MRPS9: variants seen among roughly 807,000 people sequenced by gnomAD.
MRPS9 encodes the protein mitochondrial ribosomal protein S9.
A neutral mutation model predicts 59.9 loss-of-function variants in MRPS9; 45 were observed. The ratio of observed to expected loss-of-function variants is 0.75; its 90% confidence interval spans 0.59 to 0.96. The LOEUF (loss-of-function observed/expected upper bound fraction) is 0.96, where lower values mean the gene tolerates loss of function less well. Ranked by LOEUF, MRPS9 falls within the 40% of genes least tolerant of loss-of-function variation. The pLI, the probability that MRPS9 is intolerant of heterozygous loss-of-function variation, is 0.00. For missense variants in MRPS9, 473 were observed against 481.1 expected (o/e 0.98, Z 0.16); for synonymous variants, 171 against 166.8 (o/e 1.03, Z -0.19).
intron 9 of MRPS9, among the ~76,000 whole-genome samples, chr2:105,096,335 A>G (rs1381769270): frequency 6.6e-6 from 1 of 152,234 alleles, no homozygotes; most frequent in Admixed American, 6.5e-5. Context: ...GCTTTTCTGC[A>G]TAAAAGTGTA....
At chr2:105,080,133 C>A in intron 5 of MRPS9, 71 bp downstream of exon 5, 1 of 1,066,860 alleles carries the variant, frequency 9.4e-7, no homozygotes, top group Non-Finnish European at 1.3e-6. Context: ...GGATACTGTT[C>A]GCAGCTTCAG....
chr2:105,085,127 A>AT (rs1680422749), intron 5 of MRPS9, among the ~76,000 whole-genome samples: 1 of 152,148 alleles, frequency 6.6e-6, no homozygotes, highest in Non-Finnish European at 1.5e-5. Flanking sequence ...TGGCATTTAC[A>AT]TGATGTACAA....
chr2:105,041,005 A>C (rs908151836), intron 1 of MRPS9, among the ~76,000 whole-genome samples: 1 of 152,204 alleles, frequency 6.6e-6, no homozygotes, highest in Admixed American at 6.5e-5. Flanking sequence ...CTTTGTCAGC[A>C]ACAATTGGTT....
intron 5 of MRPS9, among the ~76,000 whole-genome samples, chr2:105,082,492 G>A (rs954353790): frequency 2.6e-5 from 4 of 152,122 alleles, no homozygotes; most frequent in Non-Finnish European, 4.4e-5. Flanking sequence ...TATATATTAC[G>A]TTATAGCAAT....
intron 2 of MRPS9, among the ~76,000 whole-genome samples, chr2:105,053,059 C>G (rs1328128090): frequency 6.6e-6 from 1 of 152,200 alleles, no homozygotes; most frequent in African/African-American, 2.4e-5. Context: ...CCACCACGCC[C>G]AGCCCCACTT....
intron 1 of MRPS9, among the ~76,000 whole-genome samples, chr2:105,040,316 C>G (rs1416767523): frequency 1.3e-5 from 2 of 152,024 alleles, no homozygotes; most frequent in East Asian, 3.9e-4. Context: ...AACACTATAC[C>G]TGGTCTTTTG....
intron 5 of MRPS9, among the ~76,000 whole-genome samples, chr2:105,085,274 T>A (rs1680425052): frequency 6.6e-6 from 1 of 152,182 alleles, no homozygotes; most frequent in South Asian, 2.1e-4. Context: ...TTGTTTGATT[T>A]GATTTTGTAT....
intron 3 of MRPS9, 23 bp downstream of exon 3, chr2:105,071,398 T>C: frequency 6.3e-7 from 1 of 1,598,554 alleles, no homozygotes; most frequent in South Asian, 1.1e-5. Context: ...ATTACTATTT[T>C]AAAAATTTCA....
chr2:105,080,637 G>T (rs1466619026), intron 5 of MRPS9, among the ~76,000 whole-genome samples: 1 of 152,132 alleles, frequency 6.6e-6, no homozygotes, highest in Non-Finnish European at 1.5e-5. Flanking sequence ...TGCAAATTTG[G>T]AAGAGTTCCC....
intron 2 of MRPS9, among the ~76,000 whole-genome samples, chr2:105,050,493 T>C (rs1034502531): frequency 6.6e-6 from 1 of 152,198 alleles, no homozygotes; most frequent in African/African-American, 2.4e-5. Context: ...TTAGGGACTT[T>C]GTAGCTGCTG....
chr2:105,098,986 A>C (rs1465805558), intron 10 of MRPS9, among the ~76,000 whole-genome samples: 3 of 152,162 alleles, frequency 2.0e-5, no homozygotes, highest in African/African-American at 7.2e-5. Flanking sequence ...CTAGAAACAT[A>C]ATCACTCCTG....
intron 2 of MRPS9, among the ~76,000 whole-genome samples, chr2:105,062,152 T>A (rs1002748358): frequency 1.3e-5 from 2 of 151,802 alleles, no homozygotes; most frequent in African/African-American, 2.4e-5. Flanking sequence ...ACACACACAC[T>A]CTCTCTGTCT....
chr2:105,043,728 G>A (rs940810660), intron 1 of MRPS9, among the ~76,000 whole-genome samples: 1 of 152,022 alleles, frequency 6.6e-6, no homozygotes, highest in African/African-American at 2.4e-5. Context: ...TCCGCCTCCT[G>A]GGTTCAAGCA....
intron 1 of MRPS9, among the ~76,000 whole-genome samples, chr2:105,045,260 ATT>A (rs1467626973): frequency 6.6e-6 from 1 of 151,686 alleles, no homozygotes; most frequent in Non-Finnish European, 1.5e-5. Flanking sequence ...AGACACATGT[ATT>A]GTCACTGGTA....
chr2:105,071,518 GT>G (rs764743799), intron 4 of MRPS9, 29 bp downstream of exon 4: 2 of 1,596,548 alleles, frequency 1.3e-6, no homozygotes, highest in Admixed American at 1.7e-5. Flanking sequence ...GAGAGAAACA[GT>G]TTTTTCTTTA....
At chr2:105,083,041 T>C (rs1680378782) in intron 5 of MRPS9, among the ~76,000 whole-genome samples, 1 of 152,128 alleles carries the variant, frequency 6.6e-6, no homozygotes, top group Non-Finnish European at 1.5e-5. Flanking sequence ...CTTGGCTGGC[T>C]TTTTCACCAA....
intron 6 of MRPS9, among the ~76,000 whole-genome samples, chr2:105,089,520 C>A (rs895126055): frequency 4.6e-5 from 7 of 152,186 alleles, no homozygotes; most frequent in African/African-American, 1.4e-4. Flanking sequence ...AGGAAGAACA[C>A]CTTGTTTAAG....
At position 105,092,505 on chromosome 2, in the gene MRPS9, A is replaced by G. The variant is rs771563483; in HGVS notation, c.756A>G (p.Ser252=). 2 of 1,613,244 alleles carry G rather than the reference A, an allele frequency of 1.2e-6. No homozygotes were observed. The highest frequency in any genetic ancestry group is 3.3e-5 in the Admixed American group (2 of 59,850). ...TTCGAAGAAGTGTAACTCTTGAATC[A>G]AAAAAACAGCTGATTGAACCTGTAC... The part of the protein sequence containing the change: ...QRFRRSVTLE[S]KKQLIEPVQY... The change falls in exon 8 of 11, where the codon TCA becomes TCG. Residue 252 remains serine, a synonymous_variant. Coordinates refer to ENST00000258455, the MANE Select transcript of MRPS9 (RefSeq NM_182640.3).
At chr2:105,092,341 G>GA (rs1209116008) in intron 7 of MRPS9, 60 bp from the exon 8 acceptor site, 3 of 1,460,526 alleles carry the variant, frequency 2.1e-6, no homozygotes, top group African/African-American at 1.4e-5. Flanking sequence ...GCAAAAAATA[G>GA]AAAAAATTTA....
Sources: allele counts gnomAD v4.1 joint callset (sites outside exome capture counted in the v4.1 genomes callset), GRCh38; gene constraint gnomAD v4.1.1; transcripts MANE v1.5; gene names NCBI Gene and HGNC (gene_info 2026-07-23, HGNC 2026-07-21).